The following RUNDC3B variants were observed in gnomAD, a reference collection of about 807,000 sequenced individuals.
RUNDC3B encodes RUN domain containing 3B.
In RUNDC3B, 33 loss-of-function variants were observed where a neutral mutation model predicts 58.4. That is an observed-to-expected ratio of 0.56 (90% CI 0.43 to 0.75). The LOEUF is 0.75. Ranked by LOEUF, RUNDC3B falls within the 30% of genes least tolerant of loss-of-function variation. RUNDC3B has a pLI of 0.00. For missense variants in RUNDC3B, 501 were observed against 535.7 expected (o/e 0.94, Z 0.64); for synonymous variants, 193 against 195.2 (o/e 0.99, Z 0.10).
chr7:87,724,431 A>G (rs1831094220), intron 4 of RUNDC3B, among the ~76,000 whole-genome samples: 1 of 152,180 alleles, frequency 6.6e-6, no homozygotes, highest in African/African-American at 2.4e-5. Flanking sequence ...TTAGATTATT[A>G]AAGATGGAAG....
At chr7:87,705,450 C>CA (rs572746543) in intron 3 of RUNDC3B, among the ~76,000 whole-genome samples, 206 of 150,778 alleles carry the variant, frequency 1.4e-3, no homozygotes, top group Middle Eastern at 6.9e-3. Context: ...ACAACAACAA[C>CA]AAAAAAAAAC....
chr7:87,656,236 A>G (rs1298498999), intron 2 of RUNDC3B, among the ~76,000 whole-genome samples: 1 of 152,142 alleles, frequency 6.6e-6, no homozygotes, highest in Non-Finnish European at 1.5e-5. Flanking sequence ...CATATATACA[A>G]TTTGTATTTG....
rs965675690 is a variant in RUNDC3B, at chr7:87,831,072, ATTAG to A, written c.*1045_*1048del. Reference sequence around the variant, plus strand: ...ATCCCCACACTTATACACAGGTAAAATTAGTTTTTTTTTTTTTAAAGTTGTAATC... The same window carrying A: ...ATCCCCACACTTATACACAGGTAAAATTTTTTTTTTTTTAAAGTTGTAATC... On this transcript the variant is annotated 3_prime_UTR_variant, in exon 11 of 11. Transcript: ENST00000394654. 4 of 148,094 alleles carry A rather than the reference ATTAG, an allele frequency of 2.7e-5. No individual in the cohort carries two copies. The highest frequency in any genetic ancestry group is 1.0e-4 in the African/African-American group (4 of 39,860). 9.2% of individuals were successfully genotyped at this position (148,094 alleles called of 1,614,324 possible).
chr7:87,776,035 A>C (rs2188828), intron 7 of RUNDC3B, among the ~76,000 whole-genome samples: 16,091 of 152,220 alleles, frequency 0.11, 1,072 homozygotes, highest in African/African-American at 0.19. Flanking sequence ...TTAATGAACC[A>C]CAGTATAACT....
intron 4 of RUNDC3B, among the ~76,000 whole-genome samples, chr7:87,725,449 C>T (rs1831165598): frequency 6.6e-6 from 1 of 152,166 alleles, no homozygotes; most frequent in Non-Finnish European, 1.5e-5. Flanking sequence ...CATAGTATTC[C>T]ATGGTGTATG....
chr7:87,629,031 C>A, intron 1 of RUNDC3B, 86 bp downstream of exon 1: 1 of 1,206,022 alleles, frequency 8.3e-7, no homozygotes, highest in Non-Finnish European at 1.1e-6. Context: ...GGGTCCCGGG[C>A]ATGATGGGCT....
intron 5 of RUNDC3B, among the ~76,000 whole-genome samples, chr7:87,740,611 CAA>C (rs1832262213): frequency 6.6e-6 from 1 of 152,022 alleles, no homozygotes; most frequent in South Asian, 2.1e-4. Flanking sequence ...AAGTATAAGA[CAA>C]ATGAAATTCT....
At chr7:87,656,791 T>C (rs1376705606) in intron 2 of RUNDC3B, among the ~76,000 whole-genome samples, 1 of 152,210 alleles carries the variant, frequency 6.6e-6, no homozygotes, top group African/African-American at 2.4e-5. Context: ...TAAACTTATT[T>C]ATCCATCACT....
intron 2 of RUNDC3B, among the ~76,000 whole-genome samples, chr7:87,690,245 GAA>G (rs1827885198): frequency 1.3e-5 from 2 of 152,136 alleles, no homozygotes; most frequent in South Asian, 4.2e-4. Context: ...TTAATTTGAT[GAA>G]GAGTATTTTC....
chr7:87,830,538 A>T lies in RUNDC3B; in HGVS notation c.*508A>T, dbSNP rs1247567224. On this transcript the variant is annotated 3_prime_UTR_variant, in exon 11 of 11. Transcript: ENST00000394654. ...TGTTTTTAATAACGGGAAAGTTCTC[A>T]GCTGCATTTTCACAGTGGCTTATTC... is the stretch of plus-strand genomic sequence containing the variant. 6.6e-6 allele frequency: 1 copy of T among 151,614 alleles called. No individual in the cohort carries two copies. Among genetic ancestry groups the T allele is most frequent in the Non-Finnish European group, 1.5e-5 (1 of 67,732 alleles). 9.4% of individuals were successfully genotyped at this position (151,614 alleles called of 1,614,324 possible).
chr7:87,761,812 A>G (rs1563192279), intron 6 of RUNDC3B, among the ~76,000 whole-genome samples: 2 of 151,520 alleles, frequency 1.3e-5, no homozygotes, highest in African/African-American at 4.8e-5. Flanking sequence ...GCCCTGGGGG[A>G]AAAGGGAGCA....
At chr7:87,701,910 G>A (rs1292720959) in intron 3 of RUNDC3B, among the ~76,000 whole-genome samples, 3 of 151,980 alleles carry the variant, frequency 2.0e-5, no homozygotes, top group Non-Finnish European at 2.9e-5. Context: ...TTGGGAGGCC[G>A]AGGCAGGCGG....
chr7:87,731,293 C>G (rs1831561924), intron 4 of RUNDC3B, among the ~76,000 whole-genome samples: 1 of 151,912 alleles, frequency 6.6e-6, no homozygotes, highest in Non-Finnish European at 1.5e-5. Context: ...AAATATAAAA[C>G]AATAAATTAA....
intron 8 of RUNDC3B, among the ~76,000 whole-genome samples, chr7:87,805,773 C>G (rs193260567): frequency 2.0e-5 from 3 of 152,196 alleles, no homozygotes; most frequent in Admixed American, 6.5e-5. Context: ...TTCCTGTAAG[C>G]CAATTATGAC....
At chr7:87,629,256 A>AG (rs905307130) in intron 1 of RUNDC3B, 3 of 289,764 alleles carry the variant, frequency 1.0e-5, no homozygotes, top group African/African-American at 6.5e-5. Flanking sequence ...GCAAGGAAGA[A>AG]GAGCTCTTTC....
intron 4 of RUNDC3B, among the ~76,000 whole-genome samples, chr7:87,726,346 G>A (rs1052790233): frequency 2.0e-5 from 3 of 152,148 alleles, no homozygotes; most frequent in African/African-American, 7.2e-5. Context: ...TATTAAATAG[G>A]GAATCCTTTC....
At chr7:87,767,883 A>G (rs1016504005) in intron 6 of RUNDC3B, among the ~76,000 whole-genome samples, 4 of 152,140 alleles carry the variant, frequency 2.6e-5, no homozygotes, top group South Asian at 2.1e-4. Flanking sequence ...GATAGACACT[A>G]TCTTTATCTC....
At chr7:87,654,517 T>G (rs1395479601) in intron 2 of RUNDC3B, among the ~76,000 whole-genome samples, 1 of 152,138 alleles carries the variant, frequency 6.6e-6, no homozygotes, top group Non-Finnish European at 1.5e-5. Context: ...TTGAGACAAC[T>G]GGTTAGCCAC....
At chr7:87,809,703 C>T (rs1836609829) in intron 9 of RUNDC3B, among the ~76,000 whole-genome samples, 1 of 152,200 alleles carries the variant, frequency 6.6e-6, no homozygotes, top group African/African-American at 2.4e-5. Context: ...AAGTGAACAA[C>T]TCATCCCCAG....
Sources: allele counts gnomAD v4.1 joint callset (sites outside exome capture counted in the v4.1 genomes callset), GRCh38; gene constraint gnomAD v4.1.1; transcripts MANE v1.5; gene names NCBI Gene and HGNC (gene_info 2026-07-23, HGNC 2026-07-21).